Variants in TANC1 observed in about 807,000 individuals in gnomAD.
TANC1 encodes tetratricopeptide repeat, ankyrin repeat and coiled-coil containing 1, also known as protein TANC1.
Under a neutral mutation model 149.7 loss-of-function variants are expected in TANC1, and 77 were observed. The ratio of observed to expected loss-of-function variants is 0.51; its 90% CI spans 0.43 to 0.62. TANC1 has a LOEUF of 0.62. Ranked by LOEUF, TANC1 falls within the 20% of genes least tolerant of loss-of-function variation. TANC1 has a pLI of 0.00. For missense variants in TANC1, 1,985 were observed against 2,321.8 expected (o/e 0.85, Z 2.98); for synonymous variants, 854 against 925.0 (o/e 0.92, Z 1.39).
At chr2:159,037,779 C>T (rs571867062) in intron 2 of TANC1, among the ~76,000 whole-genome samples, 15 of 152,242 alleles carry the variant, frequency 9.9e-5, no homozygotes, top group African/African-American at 2.9e-4. Context: ...AGTTTGAAGT[C>T]GGGTAGCATG....
intron 3 of TANC1, among the ~76,000 whole-genome samples, chr2:159,080,760 G>A (rs1437628128): frequency 6.6e-6 from 1 of 152,164 alleles, no homozygotes; most frequent in Non-Finnish European, 1.5e-5. Flanking sequence ...TCCTTGAGGT[G>A]GAAGAGGCTA....
At chr2:159,174,222 C>G (rs559161377) in intron 11 of TANC1, among the ~76,000 whole-genome samples, 10 of 152,286 alleles carry the variant, frequency 6.6e-5, no homozygotes, top group East Asian at 5.8e-4. Context: ...GCGTCTGGCC[C>G]TTTCGTGGGG....
chr2:159,151,294 G>A (rs1559353037), intron 7 of TANC1, among the ~76,000 whole-genome samples: 2 of 152,216 alleles, frequency 1.3e-5, no homozygotes, highest in African/African-American at 4.8e-5. Flanking sequence ...ATCCCAGACA[G>A]ACTGCATTTA....
At position 159,136,201 on chromosome 2, in the gene TANC1, C is replaced by G; in HGVS notation, c.267C>G (p.Val89=). 4 of 1,605,630 alleles carry G rather than the reference C, an allele frequency of 2.5e-6. No homozygotes were observed. Among genetic ancestry groups the G allele is most frequent in the Non-Finnish European group, 3.4e-6 (4 of 1,172,224 alleles). ...SRVNKKSPGP[V]RKPKYVESPR... ...AGATCTTTCCCACTACAGGTCCCGTCAGGAAGCCCAAGTATGTGGAAAGCC... is the reference window on the plus strand; with the variant it reads ...AGATCTTTCCCACTACAGGTCCCGTGAGGAAGCCCAAGTATGTGGAAAGCC... The change falls in exon 5 of 27, where the codon GTC becomes GTG. Residue 89 remains valine, a synonymous_variant. Transcript: ENST00000263635.
intron 22 of TANC1, among the ~76,000 whole-genome samples, chr2:159,220,761 T>G (rs1249734315): frequency 1.3e-5 from 2 of 152,110 alleles, no homozygotes; most frequent in Non-Finnish European, 2.9e-5. Context: ...TGGCTAATTT[T>G]TAGAGACACG....
chr2:159,067,390 GT>G (rs2042764832), intron 3 of TANC1, among the ~76,000 whole-genome samples: 1 of 152,176 alleles, frequency 6.6e-6, no homozygotes, highest in African/African-American at 2.4e-5. Context: ...GGAGAAACCA[GT>G]TTTTAATGAC....
chr2:159,053,852 C>T (rs941323997), intron 2 of TANC1, among the ~76,000 whole-genome samples: 4 of 152,198 alleles, frequency 2.6e-5, no homozygotes. Context: ...CTAATGAACT[C>T]AAGAGCTTGC....
intron 2 of TANC1, among the ~76,000 whole-genome samples, chr2:159,038,475 A>G (rs186176525): frequency 6.6e-6 from 1 of 152,314 alleles, no homozygotes; most frequent in African/African-American, 2.4e-5. Context: ...TCAGTATGAT[A>G]TTGGCTGTGA....
In TANC1 at chr2:159,128,248, T is replaced by G. The variant is rs149310643; in HGVS notation, c.260-7946T>G. Among the ~76,000 whole-genome samples, 55 of 152,316 alleles carry G rather than the reference T, an allele frequency of 3.6e-4. No individual in the cohort carries two copies. The East Asian group carries it at 0.01, about 28-fold the overall frequency. ...TTTCATACAAGGCCCCAGGCCCTTG[T>G]AAAAGTGTTCCTGAATGCTTCTGGA... is the stretch of plus-strand genomic sequence containing the variant. On this transcript the variant is annotated intron_variant, in intron 4 of 26. Transcript: ENST00000263635.
At chr2:159,179,830 C>T (rs1256105316) in intron 14 of TANC1, among the ~76,000 whole-genome samples, 1 of 152,158 alleles carries the variant, frequency 6.6e-6, no homozygotes, top group African/African-American at 2.4e-5. Context: ...GGCTTGGTAA[C>T]AGTGTGAGAG....
intron 2 of TANC1, chr2:159,004,214 A>T (rs928205290): frequency 1.2e-6 from 2 of 1,612,482 alleles, no homozygotes; most frequent in African/African-American, 2.7e-5. Flanking sequence ...TCCCACGGCA[A>T]GTCTTGGACA....
chr2:159,210,120 C>G (rs1237675909), intron 19 of TANC1, among the ~76,000 whole-genome samples: 3 of 152,184 alleles, frequency 2.0e-5, no homozygotes, highest in Non-Finnish European at 4.4e-5. Flanking sequence ...AAGCTGTTCT[C>G]TGGAGGTACT....
intron 3 of TANC1, among the ~76,000 whole-genome samples, chr2:159,097,036 C>G (rs1227820130): frequency 6.6e-6 from 1 of 152,058 alleles, no homozygotes; most frequent in African/African-American, 2.4e-5. Flanking sequence ...CAAGCGGAAG[C>G]TGCCTAATAA....
chr2:159,114,718 G>C (rs1053998298), intron 4 of TANC1, among the ~76,000 whole-genome samples: 1 of 152,042 alleles, frequency 6.6e-6, no homozygotes, highest in Non-Finnish European at 1.5e-5. Context: ...ATTAGTTTGT[G>C]TGCCCTTTGG....
At chr2:159,025,593 A>T (rs886403761) in intron 2 of TANC1, among the ~76,000 whole-genome samples, 14 of 152,212 alleles carry the variant, frequency 9.2e-5, no homozygotes, top group Non-Finnish European at 1.3e-4. Context: ...TAGTCCATAC[A>T]TAGATTTTTC....
At chr2:159,126,214 G>T (rs961541745) in intron 4 of TANC1, among the ~76,000 whole-genome samples, 1 of 152,148 alleles carries the variant, frequency 6.6e-6, no homozygotes, top group Non-Finnish European at 1.5e-5. Context: ...ATCTTGGAAT[G>T]ATATCTTTAG....
intron 7 of TANC1, among the ~76,000 whole-genome samples, chr2:159,153,805 A>G (rs1422620668): frequency 1.3e-5 from 2 of 152,182 alleles, no homozygotes; most frequent in African/African-American, 4.8e-5. Context: ...TGCCTTTTCC[A>G]TCTGAAGAGC....
At chr2:158,980,562 G>A (rs2034183818) in intron 1 of TANC1, among the ~76,000 whole-genome samples, 2 of 152,054 alleles carry the variant, frequency 1.3e-5, no homozygotes, top group Admixed American at 1.3e-4. Flanking sequence ...AGATCACGAG[G>A]TCAGGAGATT....
chr2:159,150,698 A>C, intron 7 of TANC1, 142 bp downstream of exon 7: 1 of 615,722 alleles, frequency 1.6e-6, no homozygotes, highest in East Asian at 2.8e-5. Context: ...GGCAGCACTG[A>C]CTCCATGTGT....
Sources: gnomAD v4.1 joint callset for allele counts (sites outside exome capture counted in the v4.1 genomes callset) on GRCh38, gnomAD v4.1.1 for gene constraint, MANE v1.5 for transcripts, NCBI Gene and HGNC (gene_info 2026-07-23, HGNC 2026-07-21) for gene names.